Variants in KIF21A observed in about 807,000 individuals in gnomAD.
KIF21A encodes the protein kinesin-like protein KIF21A.
Under a neutral mutation model 202.9 loss-of-function variants are expected in KIF21A, and 114 were observed. That is an observed-to-expected ratio of 0.56 (90% CI 0.48 to 0.66). The LOEUF is 0.66. Ranked by LOEUF, KIF21A falls within the 30% of genes least tolerant of loss-of-function variation. The pLI is 0.00. For synonymous variants in KIF21A, 667 were observed against 670.8 expected, an observed-to-expected ratio of 0.99 and a Z score of 0.09; for missense variants, 1,677 against 1,994.9, an observed-to-expected ratio of 0.84 and a Z score of 3.04.
intron 6 of KIF21A, 75 bp downstream of exon 6, chr12:39,366,275 A>G: frequency 7.7e-7 from 1 of 1,305,680 alleles, no homozygotes; most frequent in Non-Finnish European, 1.1e-6. Context: ...TTCCATATGG[A>G]TATTATAAAT....
chr12:39,372,165 T>C (rs1241475321), intron 1 of KIF21A, among the ~76,000 whole-genome samples: 3 of 152,200 alleles, frequency 2.0e-5, no homozygotes, highest in East Asian at 1.9e-4. Flanking sequence ...AAATAAAAGG[T>C]TAACAGGAAG....
intron 1 of KIF21A, among the ~76,000 whole-genome samples, chr12:39,434,902 T>C (rs781229808): frequency 3.3e-5 from 5 of 152,198 alleles, no homozygotes; most frequent in Non-Finnish European, 7.3e-5. Context: ...GCTGACTTAG[T>C]AGTTGTATCA....
At chr12:39,303,690 C>A (rs912831629) in intron 35 of KIF21A, among the ~76,000 whole-genome samples, 92 of 151,970 alleles carry the variant, frequency 6.1e-4, no homozygotes, top group African/African-American at 2.1e-3. Flanking sequence ...TATTACATAT[C>A]AATCCAGTTG....
In KIF21A at chr12:39,330,727, A is replaced by C; in HGVS notation, c.3319+19T>G. ...AGCTACCATGCAAATTCATTCAACT[A>C]AAATTGAGAGCAAATTACCTTGTAA... On this transcript the variant is annotated intron_variant, in intron 23 of 37. Coordinates refer to ENST00000361418, the MANE Select transcript of KIF21A (RefSeq NM_001173464.2). 1 of 1,613,002 alleles carries C rather than the reference A, an allele frequency of 6.2e-7. No homozygotes were observed. Among genetic ancestry groups the C allele is most frequent in the Non-Finnish European group, 8.5e-7 (1 of 1,178,986 alleles).
chr12:39,335,947 C>T (rs1386760513), intron 17 of KIF21A, among the ~76,000 whole-genome samples: 1 of 152,190 alleles, frequency 6.6e-6, no homozygotes, highest in Admixed American at 6.5e-5. Flanking sequence ...CCCCTTTCCT[C>T]TTTACATTCC....
At chr12:39,365,285 T>C (rs1002278048) in intron 6 of KIF21A, among the ~76,000 whole-genome samples, 1 of 152,222 alleles carries the variant, frequency 6.6e-6, no homozygotes, top group Non-Finnish European at 1.5e-5. Context: ...AAACTTTTTC[T>C]CTATTGCAAT....
At chr12:39,362,296 C>T (rs1344827869) in intron 7 of KIF21A, among the ~76,000 whole-genome samples, 1 of 152,044 alleles carries the variant, frequency 6.6e-6, no homozygotes, top group Non-Finnish European at 1.5e-5. Context: ...CAAAAAGAAA[C>T]CTTGCTAGTT....
intron 1 of KIF21A, among the ~76,000 whole-genome samples, chr12:39,428,560 T>C (rs1316303121): frequency 6.6e-6 from 1 of 152,222 alleles, no homozygotes; most frequent in African/African-American, 2.4e-5. Flanking sequence ...GTAATTAAAA[T>C]TTTTATAATA....
At chr12:39,417,547 G>A (rs547557383) in intron 1 of KIF21A, among the ~76,000 whole-genome samples, 25 of 152,114 alleles carry the variant, frequency 1.6e-4, no homozygotes, top group Non-Finnish European at 3.1e-4. Flanking sequence ...AGCATACAAG[G>A]AAAAGATATG....
chr12:39,293,368 A>G lies in KIF21A; in HGVS notation c.*1056T>C, dbSNP rs983947293. ...AAAAATTAAACTTGCAGAATTTACA[A>G]ATTAATATTCTGAGCAGACAGAAAT... On this transcript the variant is annotated 3_prime_UTR_variant, in exon 38 of 38. Coordinates refer to ENST00000361418, the MANE Select transcript of KIF21A (RefSeq NM_001173464.2). 2 of 152,642 alleles carry G rather than the reference A, an allele frequency of 1.3e-5. No individual in the cohort carries two copies. The highest frequency in any genetic ancestry group is 6.5e-5 in the Admixed American group (1 of 15,284). 9.5% of individuals were successfully genotyped at this position (152,642 alleles called of 1,614,324 possible).
At chr12:39,406,735 C>T (rs1952620250) in intron 1 of KIF21A, among the ~76,000 whole-genome samples, 1 of 152,184 alleles carries the variant, frequency 6.6e-6, no homozygotes, top group Admixed American at 6.5e-5. Context: ...AAGCTTCCTG[C>T]CTCCCTTTTC....
At chr12:39,319,884 G>A (rs749098877) in intron 28 of KIF21A, 22 bp downstream of exon 28, 2 of 1,348,242 alleles carry the variant, frequency 1.5e-6, no homozygotes, top group Non-Finnish European at 1.1e-6. Context: ...AGTCTAGCAG[G>A]TAAAAAACAT....
chr12:39,406,755 G>A (rs1196139857), intron 1 of KIF21A, among the ~76,000 whole-genome samples: 1 of 152,000 alleles, frequency 6.6e-6, no homozygotes, highest in Non-Finnish European at 1.5e-5. Flanking sequence ...CTCTCCTACT[G>A]CCACAATCTC....
intron 11 of KIF21A, among the ~76,000 whole-genome samples, chr12:39,348,208 C>CCATAACTTAAAG (rs1320963930): frequency 6.6e-6 from 1 of 152,048 alleles, no homozygotes; most frequent in East Asian, 1.9e-4. Flanking sequence ...TAACACCTCT[C>CCATAACTTAAAG]CATAACTTAA....
chr12:39,333,669 A>C (rs373097881), intron 17 of KIF21A, among the ~76,000 whole-genome samples: 1 of 152,184 alleles, frequency 6.6e-6, no homozygotes, highest in South Asian at 2.1e-4. Context: ...TTTTCAATAG[A>C]GTCATCTTAT....
chr12:39,399,111 C>CT (rs1339658734), intron 1 of KIF21A, among the ~76,000 whole-genome samples: 1 of 152,068 alleles, frequency 6.6e-6, no homozygotes, highest in African/African-American at 2.4e-5. Context: ...CCCAGCTACT[C>CT]TGGAGGCTGA....
intron 29 of KIF21A, 22 bp downstream of exon 29, chr12:39,318,051 G>T (rs1944763478): frequency 6.2e-7 from 1 of 1,606,010 alleles, no homozygotes; most frequent in African/African-American, 1.3e-5. Context: ...AATAATTGGG[G>T]CTCTTTTCCA....
chr12:39,441,550 T>G (rs1033837593), intron 1 of KIF21A, among the ~76,000 whole-genome samples: 1 of 149,614 alleles, frequency 6.7e-6, no homozygotes, highest in Non-Finnish European at 1.5e-5. Flanking sequence ...CAGACTAATC[T>G]AACAATTGGA....
chr12:39,366,784 C>G (rs781285456), intron 5 of KIF21A, among the ~76,000 whole-genome samples: 3 of 152,184 alleles, frequency 2.0e-5, no homozygotes, highest in Non-Finnish European at 4.4e-5. Flanking sequence ...AGCAAAAGGT[C>G]TCAGGTGATG....
Sources: allele counts gnomAD v4.1 joint callset (sites outside exome capture counted in the v4.1 genomes callset), GRCh38; gene constraint gnomAD v4.1.1; transcripts MANE v1.5; gene names NCBI Gene and HGNC (gene_info 2026-07-23, HGNC 2026-07-21).